The following ABI1 variants were observed in gnomAD, a reference collection of about 807,000 sequenced individuals.
ABI1 encodes the protein Abelson interactor 1.
A neutral mutation model predicts 54.6 loss-of-function variants in ABI1; 14 were observed. The observed-to-expected ratio is 0.26, with a 90% CI of 0.17 to 0.40. The LOEUF is 0.40. Ranked by LOEUF, ABI1 falls within the 10% of genes least tolerant of loss-of-function variation. The pLI, the probability that ABI1 is intolerant of heterozygous loss-of-function variation, is 1.00. For synonymous variants in ABI1, 194 were observed against 209.3 expected (o/e 0.93, Z 0.63); for missense variants, 443 against 598.3 (o/e 0.74, Z 2.71).
intron 2 of ABI1, among the ~76,000 whole-genome samples, chr10:26,793,764 T>C (rs901362555): frequency 6.6e-6 from 1 of 152,208 alleles, no homozygotes; most frequent in Non-Finnish European, 1.5e-5. Flanking sequence ...ACAGTTGATC[T>C]TCTAAGCACC....
At chr10:26,762,370 T>C (rs1839348070) in intron 7 of ABI1, among the ~76,000 whole-genome samples, 1 of 152,134 alleles carries the variant, frequency 6.6e-6, no homozygotes. Context: ...CCTCAAGAGT[T>C]TCCCGATTGA....
chr10:26,750,449 G>T (rs1457460109), intron 10 of ABI1, among the ~76,000 whole-genome samples: 1 of 152,128 alleles, frequency 6.6e-6, no homozygotes, highest in African/African-American at 2.4e-5. Context: ...AGCCGAGATT[G>T]CACCACTGCA....
At chr10:26,759,613 A>C (rs1471478210) in intron 7 of ABI1, among the ~76,000 whole-genome samples, 1 of 152,156 alleles carries the variant, frequency 6.6e-6, no homozygotes, top group Non-Finnish European at 1.5e-5. Context: ...GGTGTGAGGT[A>C]GGAAGCATCA....
At chr10:26,851,411 A>C (rs1398670637) in intron 1 of ABI1, among the ~76,000 whole-genome samples, 1 of 129,608 alleles carries the variant, frequency 7.7e-6, no homozygotes, top group Non-Finnish European at 1.5e-5. Flanking sequence ...AGCTGATCTC[A>C]AACTCCTGGG....
At chr10:26,816,033 A>T (rs2047541904) in intron 2 of ABI1, among the ~76,000 whole-genome samples, 1 of 152,238 alleles carries the variant, frequency 6.6e-6, no homozygotes, top group Non-Finnish European at 1.5e-5. Context: ...ATTACTGGTT[A>T]CCAATCGTGT....
At chr10:26,771,243 C>T (rs12777937) in intron 3 of ABI1, among the ~76,000 whole-genome samples, 154 bp from the exon 4 acceptor site, 3,795 of 152,194 alleles carry the variant, frequency 0.025, 70 homozygotes, top group Non-Finnish European at 0.039. Flanking sequence ...AAAAGAGATC[C>T]ATACGTACTG....
At chr10:26,788,248 C>T (rs1056295303) in intron 2 of ABI1, among the ~76,000 whole-genome samples, 2 of 152,172 alleles carry the variant, frequency 1.3e-5, no homozygotes, top group Non-Finnish European at 2.9e-5. Flanking sequence ...TTAGGCCTCC[C>T]CAGCCATGTG....
chr10:26,846,151 A>G (rs1193823593), intron 1 of ABI1, among the ~76,000 whole-genome samples: 1 of 151,800 alleles, frequency 6.6e-6, no homozygotes, highest in Admixed American at 6.6e-5. Flanking sequence ...CAAAAAAAAA[A>G]AAAAGATTTT....
chr10:26,768,273 C>T (rs1304601147), intron 6 of ABI1, among the ~76,000 whole-genome samples: 1 of 151,794 alleles, frequency 6.6e-6, no homozygotes, highest in African/African-American at 2.4e-5. Flanking sequence ...GGGCTGGGCA[C>T]AGTGGCTCAC....
intron 2 of ABI1, among the ~76,000 whole-genome samples, chr10:26,779,776 T>C (rs1345759326): frequency 1.3e-5 from 2 of 152,152 alleles, no homozygotes; most frequent in Non-Finnish European, 2.9e-5. Flanking sequence ...GCCTCAGCAT[T>C]TTCTGGTGGT....
At chr10:26,806,443 A>C (rs1461588821) in intron 2 of ABI1, among the ~76,000 whole-genome samples, 1 of 152,190 alleles carries the variant, frequency 6.6e-6, no homozygotes, top group East Asian at 1.9e-4. Context: ...AGGCAACCGC[A>C]CTGGAAACAA....
chr10:26,848,923 A>G (rs1391854684), intron 1 of ABI1, among the ~76,000 whole-genome samples: 1 of 152,074 alleles, frequency 6.6e-6, no homozygotes, highest in Non-Finnish European at 1.5e-5. Flanking sequence ...CTTTCTCCAT[A>G]AGAAACTTTA....
intron 1 of ABI1, among the ~76,000 whole-genome samples, chr10:26,832,348 CA>C (rs1238399656): frequency 6.6e-6 from 1 of 152,024 alleles, no homozygotes; most frequent in East Asian, 1.9e-4. Context: ...TTTGGGAGGC[CA>C]AGGCGGGCGG....
chr10:26,762,105 C>A (rs761735285), intron 7 of ABI1, among the ~76,000 whole-genome samples: 7 of 152,198 alleles, frequency 4.6e-5, no homozygotes, highest in Non-Finnish European at 7.3e-5. Flanking sequence ...CTCCCAGGCT[C>A]AAGCCATCCT....
At chr10:26,811,294 T>C (rs2047212343) in intron 2 of ABI1, among the ~76,000 whole-genome samples, 1 of 152,188 alleles carries the variant, frequency 6.6e-6, no homozygotes, top group Admixed American at 6.5e-5. Context: ...AATAAGAATG[T>C]ATGTGTTCTG....
intron 1 of ABI1, among the ~76,000 whole-genome samples, chr10:26,843,465 AAAAAAAAAAAAAAAAAAAAAATATATAT>A (rs1365583490): frequency 7.6e-5 from 6 of 78,718 alleles, no homozygotes; most frequent in East Asian, 4.1e-4. Context: ...AAAAAAAAAA[AAAAAAAAAAAAAAAAAAAAAATATATAT>A]ATATATATAT....
intron 2 of ABI1, among the ~76,000 whole-genome samples, chr10:26,798,533 T>G (rs1191334209): frequency 2.0e-5 from 3 of 152,092 alleles, no homozygotes; most frequent in Non-Finnish European, 4.4e-5. Context: ...AACACAGCCC[T>G]ATCCACATAT....
At chr10:26,832,014 A>G (rs2048708420) in intron 1 of ABI1, among the ~76,000 whole-genome samples, 1 of 152,354 alleles carries the variant, frequency 6.6e-6, no homozygotes, top group East Asian at 1.9e-4. Flanking sequence ...CTTGGCTTCT[A>G]TCCTATCCTC....
At chr10:26,767,337 T>C (rs1279167100) in intron 6 of ABI1, among the ~76,000 whole-genome samples, 2 of 152,200 alleles carry the variant, frequency 1.3e-5, no homozygotes, top group Non-Finnish European at 2.9e-5. Context: ...CATCTTGATA[T>C]ACCCTATTTA....
Sources: allele counts gnomAD v4.1 joint callset (sites outside exome capture counted in the v4.1 genomes callset), GRCh38; gene constraint gnomAD v4.1.1; transcripts MANE v1.5; gene names NCBI Gene and HGNC (gene_info 2026-07-23, HGNC 2026-07-21).